The following TRPC3 variants were observed in gnomAD, a reference collection of about 807,000 sequenced individuals.
TRPC3 encodes transient receptor potential cation channel subfamily C member 3.
In TRPC3, 54 loss-of-function variants were observed where a neutral mutation model predicts 90.9. The observed-to-expected ratio is 0.59, with a 90% CI of 0.48 to 0.75. The LOEUF is 0.75. Among genes scored for constraint, TRPC3 ranks in the 30% least tolerant of loss-of-function variants. The pLI is 0.00. For missense variants in TRPC3, 918 were observed against 1,194.5 expected (o/e 0.77, Z 3.41); for synonymous variants, 424 against 450.9 (o/e 0.94, Z 0.75).
intron 9 of TRPC3, among the ~76,000 whole-genome samples, chr4:121,901,081 T>C (rs1560693481): frequency 6.6e-6 from 1 of 152,232 alleles, no homozygotes; most frequent in Non-Finnish European, 1.5e-5. Context: ...TTCTACATTA[T>C]GATAATATCA....
intron 10 of TRPC3, among the ~76,000 whole-genome samples, chr4:121,883,457 G>A (rs545107379): frequency 7.2e-4 from 109 of 152,160 alleles, no homozygotes; most frequent in Non-Finnish European, 1.1e-3. Flanking sequence ...CAAATAACCC[G>A]ATTTTAAAAT....
chr4:121,879,971 C>T, intron 11 of TRPC3, 93 bp from the exon 12 acceptor site: 1 of 1,247,970 alleles, frequency 8.0e-7, no homozygotes, highest in Non-Finnish European at 1.1e-6. Context: ...AATGTATTTG[C>T]TTCATAAGGT....
At chr4:121,941,669 T>C (rs1447061805) in intron 1 of TRPC3, among the ~76,000 whole-genome samples, 2 of 152,140 alleles carry the variant, frequency 1.3e-5, no homozygotes, top group Non-Finnish European at 2.9e-5. Context: ...ATAATCTCCC[T>C]GGCAAGCAGG....
chr4:121,884,285 T>G (rs930763397), intron 10 of TRPC3, among the ~76,000 whole-genome samples: 3 of 151,876 alleles, frequency 2.0e-5, no homozygotes, highest in Non-Finnish European at 4.4e-5. Flanking sequence ...GAAAAGAAAA[T>G]CAAAGCAAGA....
intron 11 of TRPC3, among the ~76,000 whole-genome samples, chr4:121,881,285 A>G (rs1727933255): frequency 6.6e-6 from 1 of 152,194 alleles, no homozygotes; most frequent in Non-Finnish European, 1.5e-5. Flanking sequence ...ACTTTGTTCA[A>G]AACTCCAAAT....
chr4:121,913,406 C>A (rs1280856914), intron 4 of TRPC3, among the ~76,000 whole-genome samples: 1 of 152,212 alleles, frequency 6.6e-6, no homozygotes, highest in Non-Finnish European at 1.5e-5. Flanking sequence ...TGGTATACGG[C>A]AGCTCTAAAC....
At chr4:121,893,821 A>G (rs538087412) in intron 10 of TRPC3, among the ~76,000 whole-genome samples, 2 of 152,284 alleles carry the variant, frequency 1.3e-5, no homozygotes, top group East Asian at 3.9e-4. Context: ...GCAAATATAT[A>G]TGGAGACATA....
intron 10 of TRPC3, among the ~76,000 whole-genome samples, chr4:121,885,450 T>A (rs1321102365): frequency 6.6e-6 from 1 of 152,178 alleles, no homozygotes; most frequent in Non-Finnish European, 1.5e-5. Flanking sequence ...ACAAATCATG[T>A]AGTTTTGAGT....
chr4:121,888,015 G>T (rs1273650256), intron 10 of TRPC3, among the ~76,000 whole-genome samples: 1 of 149,936 alleles, frequency 6.7e-6, no homozygotes, highest in Non-Finnish European at 1.5e-5. Context: ...TTTTTTGAGA[G>T]AAAGCGTCTT....
rs145594736 is a variant in TRPC3 at position 121,878,659 on chromosome 4, T to C, written c.*1077A>G. Among the ~76,000 whole-genome samples the C allele has an allele frequency of 6.6e-6, 1 of 152,322 alleles. No homozygotes were observed. Among genetic ancestry groups the C allele is most frequent in the East Asian group, 1.9e-4 (1 of 5,194 alleles). On this transcript the variant is annotated 3_prime_UTR_variant, in exon 12 of 12. Transcript: ENST00000379645. ...TATGTAGATATATCACAATATATTT[T>C]ATATAGAAAGTGGAACTGGAATCCT...
chr4:121,929,007 C>T (rs1019079120), intron 2 of TRPC3, among the ~76,000 whole-genome samples: 12 of 152,182 alleles, frequency 7.9e-5, no homozygotes, highest in Non-Finnish European at 1.5e-4. Context: ...GTGGAATTCA[C>T]TTTACCTCTC....
At chr4:121,896,105 T>C (rs774481693) in intron 10 of TRPC3, among the ~76,000 whole-genome samples, 9 of 152,160 alleles carry the variant, frequency 5.9e-5, no homozygotes, top group Non-Finnish European at 1.3e-4. Flanking sequence ...TAAAAGCTTT[T>C]CATAAAATTC....
intron 1 of TRPC3, among the ~76,000 whole-genome samples, chr4:121,936,271 A>G (rs553216017): frequency 6.6e-6 from 1 of 152,346 alleles, no homozygotes; most frequent in Non-Finnish European, 1.5e-5. Flanking sequence ...TGGCCTTGAC[A>G]ATGTATCTCT....
Position 121,932,400 on chromosome 4 carries a change from C to G in TRPC3, c.858G>C (p.Ser286=). The G allele has an allele frequency of 6.2e-7, 1 of 1,614,164 alleles. No individual in the cohort carries two copies. Among genetic ancestry groups the G allele is most frequent in the Non-Finnish European group, 8.5e-7 (1 of 1,180,018 alleles). Residue 286 remains serine (S), a synonymous_variant, in exon 2 of 12, where the codon TCG becomes TCC. Coordinates refer to ENST00000379645, the MANE Select transcript of TRPC3 (RefSeq NM_001130698.2). The surrounding 1 kb of genome is among the most constrained non-coding windows in gnomAD (Gnocchi z 7.7). ...QRHDSFSHSR[S]RINAYKGLAS... ...CCAGCCCCTTGTAGGCATTGATCCT[C>G]GAGCGTGAGTGGCTGAAGGAGTCGT...
chr4:121,885,005 A>T (rs552852533), intron 10 of TRPC3, among the ~76,000 whole-genome samples: 3 of 152,322 alleles, frequency 2.0e-5, no homozygotes, highest in Admixed American at 6.5e-5. Flanking sequence ...ATACAAAATT[A>T]TGTGTATCAG....
chr4:121,924,581 C>G, intron 3 of TRPC3, among the ~76,000 whole-genome samples: 1 of 152,098 alleles, frequency 6.6e-6, no homozygotes, highest in East Asian at 1.9e-4. Flanking sequence ...GCTCTGTTGC[C>G]CAGGCTGGAA....
chr4:121,931,439 G>A (rs1342473597), intron 2 of TRPC3, among the ~76,000 whole-genome samples: 17 of 152,158 alleles, frequency 1.1e-4, no homozygotes, highest in African/African-American at 3.1e-4. Context: ...CAATCAAAAC[G>A]CATAGGAGGA....
intron 1 of TRPC3, among the ~76,000 whole-genome samples, chr4:121,947,078 G>A (rs948134142): frequency 1.1e-4 from 17 of 149,718 alleles, no homozygotes; most frequent in African/African-American, 4.2e-4. Flanking sequence ...AGTTACTTGG[G>A]AGGCTAAGAT....
At chr4:121,916,335 A>G (rs1042684748) in intron 3 of TRPC3, among the ~76,000 whole-genome samples, 4 of 152,212 alleles carry the variant, frequency 2.6e-5, no homozygotes, top group Admixed American at 2.6e-4. Flanking sequence ...CACCCAGTGT[A>G]AAGTCCACTG....
Sources: allele counts gnomAD v4.1 joint callset (sites outside exome capture counted in the v4.1 genomes callset), GRCh38; gene constraint gnomAD v4.1.1; non-coding constraint Gnocchi (gnomAD v3.1); transcripts MANE v1.5; gene names NCBI Gene and HGNC (gene_info 2026-07-23, HGNC 2026-07-21).